The following AGPS variants were observed in gnomAD, a reference collection of about 807,000 sequenced individuals.
AGPS encodes alkyldihydroxyacetonephosphate synthase, peroxisomal.
AGPS carries 26 observed loss-of-function variants against 90.7 expected under a neutral mutation model. That is an observed-to-expected ratio of 0.29 (90% CI 0.21 to 0.40). The LOEUF (loss-of-function observed/expected upper bound fraction) is 0.40, where lower values mean the gene tolerates loss of function less well. Ranked by LOEUF, AGPS falls within the 10% of genes least tolerant of loss-of-function variation. AGPS has a pLI of 1.00. For synonymous variants in AGPS, 294 were observed against 285.3 expected, an observed-to-expected ratio of 1.03 and a Z score of -0.31; for missense variants, 540 against 816.1, an observed-to-expected ratio of 0.66 and a Z score of 4.12.
Position 177,509,559 on chromosome 2 carries a change from G to A in AGPS, c.1607+1528G>A, listed in dbSNP as rs573415560. On this transcript the variant is annotated intron_variant, in intron 16 of 19. Coordinates refer to ENST00000264167, the MANE Select transcript of AGPS (RefSeq NM_003659.4). Reference sequence around the variant, plus strand: ...CGGGCGTCTGTAGTCCCAGCTACTCGGCATGCTGAGGCAGGAGAGTGGTGT... The same window carrying A: ...CGGGCGTCTGTAGTCCCAGCTACTCAGCATGCTGAGGCAGGAGAGTGGTGT... Among the ~76,000 whole-genome samples, 10 of 151,634 alleles carry A rather than the reference G, an allele frequency of 6.6e-5. No homozygotes were observed. In the South Asian group the frequency reaches 1.5e-3, roughly 22 times the overall value.
chr2:177,486,072 TA>T (rs1559067914), intron 11 of AGPS, among the ~76,000 whole-genome samples: 1 of 152,260 alleles, frequency 6.6e-6, no homozygotes, highest in Non-Finnish European at 1.5e-5. Context: ...ATGTACTTAA[TA>T]ATTGACAGTT....
chr2:177,460,576 C>T (rs1687262833), intron 8 of AGPS, among the ~76,000 whole-genome samples: 1 of 152,122 alleles, frequency 6.6e-6, no homozygotes, highest in African/African-American at 2.4e-5. Flanking sequence ...CTTAGGGCTC[C>T]ATGAATGTCT....
At chr2:177,482,284 C>G in intron 11 of AGPS, 98 bp downstream of exon 11, 1 of 654,570 alleles carries the variant, frequency 1.5e-6, no homozygotes, top group Non-Finnish European at 2.4e-6. Flanking sequence ...TATGTTACAA[C>G]TAATCTTCAT....
intron 15 of AGPS, among the ~76,000 whole-genome samples, chr2:177,506,627 G>A (rs184692998): frequency 6.6e-6 from 1 of 152,000 alleles, no homozygotes; most frequent in East Asian, 1.9e-4. Context: ...AAATTGCAGT[G>A]AATTTGAAGC....
At position 177,448,223 on chromosome 2, in the gene AGPS, A is replaced by G. The variant is rs185834150; in HGVS notation, c.870+2597A>G. On this transcript the variant is annotated intron_variant, in intron 8 of 19. Coordinates refer to ENST00000264167, the MANE Select transcript of AGPS (RefSeq NM_003659.4). ...GGCAAGTTACTCACCTTTAAGCCTC[A>G]GTTTCTTTACCTATAAAGTGGGTAT... Among the ~76,000 whole-genome samples, 38 of 152,218 alleles carry G rather than the reference A, an allele frequency of 2.5e-4. No homozygotes were observed. The East Asian group carries it at 3.3e-3, about 13-fold the overall frequency.
At chr2:177,520,459 G>C (rs1025279595) in intron 17 of AGPS, among the ~76,000 whole-genome samples, 3 of 152,206 alleles carry the variant, frequency 2.0e-5, no homozygotes, top group African/African-American at 7.2e-5. Flanking sequence ...CCAATGAAAG[G>C]AACCAGGTTT....
chr2:177,423,627 G>A (rs575666372), intron 2 of AGPS, among the ~76,000 whole-genome samples: 17 of 152,248 alleles, frequency 1.1e-4, no homozygotes, highest in African/African-American at 4.1e-4. Context: ...ACATTGAAAA[G>A]GTAGATTTTT....
At chr2:177,531,068 C>A (rs1341285352) in intron 19 of AGPS, among the ~76,000 whole-genome samples, 1 of 152,046 alleles carries the variant, frequency 6.6e-6, no homozygotes, top group Non-Finnish European at 1.5e-5. Context: ...GCTGCTGTTA[C>A]CTTTTTTTGG....
chr2:177,469,736 G>A (rs1687557068), intron 10 of AGPS, among the ~76,000 whole-genome samples: 2 of 152,086 alleles, frequency 1.3e-5, no homozygotes. Flanking sequence ...AACGAAAATA[G>A]CTATTAAAAC....
At chr2:177,514,136 A>G (rs1158008839) in intron 17 of AGPS, among the ~76,000 whole-genome samples, 2 of 152,080 alleles carry the variant, frequency 1.3e-5, no homozygotes, top group Admixed American at 6.5e-5. Flanking sequence ...CTTCCCTGCC[A>G]TCTGGGTGGC....
At chr2:177,460,507 T>C (rs1271882674) in intron 8 of AGPS, among the ~76,000 whole-genome samples, 1 of 152,254 alleles carries the variant, frequency 6.6e-6, no homozygotes, top group Non-Finnish European at 1.5e-5. Flanking sequence ...TTCTGTATAA[T>C]GTGAAGTTTG....
Position 177,482,202 on chromosome 2 carries a change from T to C in AGPS, c.1233+16T>C. 1.5e-6 allele frequency: 2 copies of C among 1,368,708 alleles called. No individual in the cohort carries two copies. The highest frequency in any genetic ancestry group is 2.0e-6 in the Non-Finnish European group (2 of 991,596). 84.8% of individuals were successfully genotyped at this position (1,368,708 alleles called of 1,614,324 possible). A position where few individuals can be genotyped will look rare whatever the true frequency, so the allele number is the denominator to read the frequency against. ...TGCAAAACAGGTAAAAGAAAAAATA[T>C]ATATATATACATACATACATATATG... On this transcript the variant is annotated intron_variant, in intron 11 of 19. Transcript: ENST00000264167.
intron 6 of AGPS, 78 bp from the exon 7 acceptor site, chr2:177,442,329 A>G (rs970751718): frequency 1.8e-6 from 2 of 1,102,492 alleles, no homozygotes; most frequent in African/African-American, 3.1e-5. Context: ...TGTATACTTG[A>G]TATGAGGGAT....
intron 11 of AGPS, among the ~76,000 whole-genome samples, chr2:177,492,066 G>A (rs564842803): frequency 7.2e-4 from 110 of 152,114 alleles, no homozygotes; most frequent in Non-Finnish European, 1.3e-3. Flanking sequence ...GATTGCAAGT[G>A]TGAGCCACTG....
intron 10 of AGPS, among the ~76,000 whole-genome samples, chr2:177,476,237 T>C (rs973510156): frequency 1.3e-5 from 2 of 152,024 alleles, no homozygotes; most frequent in Non-Finnish European, 2.9e-5. Context: ...AGTTTGCTCT[T>C]CTTTTTCTAG....
chr2:177,526,963 GC>G (rs892229671), intron 19 of AGPS, among the ~76,000 whole-genome samples: 2 of 152,030 alleles, frequency 1.3e-5, no homozygotes, highest in African/African-American at 2.4e-5. Flanking sequence ...AAAGTAACTG[GC>G]CCAAAAATCA....
chr2:177,503,235 T>G (rs1688611709), intron 14 of AGPS, among the ~76,000 whole-genome samples: 1 of 152,196 alleles, frequency 6.6e-6, no homozygotes, highest in Non-Finnish European at 1.5e-5. Flanking sequence ...TTTGATTGTT[T>G]ATCCATGTTT....
chr2:177,533,222 A>G (rs2079153405), intron 19 of AGPS, among the ~76,000 whole-genome samples: 1 of 152,320 alleles, frequency 6.6e-6, no homozygotes, highest in Non-Finnish European at 1.5e-5. Context: ...CCATTGAAGC[A>G]ATGTTGTAGT....
intron 1 of AGPS, among the ~76,000 whole-genome samples, chr2:177,396,726 A>G (rs940363251): frequency 1.3e-5 from 2 of 152,196 alleles, no homozygotes; most frequent in African/African-American, 2.4e-5. Flanking sequence ...TGAGAGTTTT[A>G]GAAGTTCATT....
Sources: gnomAD v4.1 joint callset for allele counts (sites outside exome capture counted in the v4.1 genomes callset) on GRCh38, gnomAD v4.1.1 for gene constraint, MANE v1.5 for transcripts, NCBI Gene and HGNC (gene_info 2026-07-23, HGNC 2026-07-21) for gene names.